Variants in PDZD2 observed in about 807,000 individuals in gnomAD.
The protein encoded by PDZD2 is PDZ domain containing 2.
PDZD2 carries 90 observed loss-of-function variants against 220.7 expected under a neutral mutation model. The ratio of observed to expected loss-of-function variants is 0.41; its 90% CI spans 0.34 to 0.49. PDZD2 has a LOEUF of 0.49. Ranked by LOEUF, PDZD2 falls within the 20% of genes least tolerant of loss-of-function variation. PDZD2 has a pLI of 0.28. For synonymous variants in PDZD2, 1,375 were observed against 1,450.5 expected (o/e 0.95, Z 1.18); for missense variants, 3,174 against 3,608.5 (o/e 0.88, Z 3.08).
chr5:32,106,526 T>C (rs547430392), intron 24 of PDZD2: 1 of 152,346 alleles, frequency 6.6e-6, no homozygotes, highest in South Asian at 2.1e-4. Flanking sequence ...AAGACAGATA[T>C]CATCATCACC....
chr5:32,003,951 A>G (rs1232679322), intron 5 of PDZD2, among the ~76,000 whole-genome samples: 1 of 152,110 alleles, frequency 6.6e-6, no homozygotes, highest in African/African-American at 2.4e-5. Context: ...ACCTCAGGTG[A>G]TCCACCCACC....
intron 2 of PDZD2, among the ~76,000 whole-genome samples, chr5:31,880,216 C>T (rs761852127): frequency 1.3e-5 from 2 of 152,200 alleles, no homozygotes; most frequent in Non-Finnish European, 2.9e-5. Flanking sequence ...AGCCACTGCA[C>T]CCGGCCAATA....
rs986732100 is a variant in PDZD2 at position 31,646,630 on chromosome 5, C to T, written c.-361+7193C>T. On this transcript the variant is annotated intron_variant, in intron 1 of 24. Transcript: ENST00000438447. The surrounding 1 kb of genome is among the most constrained non-coding windows in gnomAD (Gnocchi z 4.7). ...CCCGCCCAACACCCTCTTTCTGGCA[C>T]AGTGTGTTTTATGGAGATTTGGGTA... Among the ~76,000 whole-genome samples, 1 of 152,134 alleles carries T rather than the reference C, an allele frequency of 6.6e-6. No homozygotes were observed. Among genetic ancestry groups the T allele is most frequent in the Non-Finnish European group, 1.5e-5 (1 of 68,034 alleles).
At chr5:31,978,883 AGGGTCTTATTTATTGCCAGGAAGCT>A (rs1750029598) in intron 2 of PDZD2, among the ~76,000 whole-genome samples, 2 of 152,130 alleles carry the variant, frequency 1.3e-5, no homozygotes, top group South Asian at 4.1e-4. Context: ...TTAAGGTGAC[AGGGTCTTATTTATTGCCAGGAAGCT>A]GGAGAGGACA....
At chr5:32,020,294 C>G (rs898750134) in intron 6 of PDZD2, among the ~76,000 whole-genome samples, 2 of 152,100 alleles carry the variant, frequency 1.3e-5, no homozygotes, top group Admixed American at 6.6e-5. Flanking sequence ...TGAGCCACCA[C>G]CATGCCCAGC....
At chr5:31,988,285 C>T (rs1003169162) in intron 3 of PDZD2, among the ~76,000 whole-genome samples, 1 of 152,174 alleles carries the variant, frequency 6.6e-6, no homozygotes, top group African/African-American at 2.4e-5. Context: ...TATCTGATTC[C>T]TGGTTAACTG....
At chr5:32,091,269 T>G in intron 20 of PDZD2, 94 bp downstream of exon 20, 3 of 797,476 alleles carry the variant, frequency 3.8e-6, no homozygotes, top group Non-Finnish European at 3.6e-6. Context: ...TAATGCAGAG[T>G]TCCCACTTAC....
intron 21 of PDZD2, among the ~76,000 whole-genome samples, chr5:32,094,359 T>C (rs951789114): frequency 6.6e-6 from 1 of 152,218 alleles, no homozygotes; most frequent in Non-Finnish European, 1.5e-5. Flanking sequence ...CCCTAATGAA[T>C]GAATATTTTC....
chr5:31,906,125 C>T (rs1442373776), intron 2 of PDZD2, among the ~76,000 whole-genome samples: 2 of 20,668 alleles, frequency 9.7e-5, no homozygotes, highest in East Asian at 4.3e-4. Flanking sequence ...GGGTTCATGT[C>T]ATTCTCCCGC....
intron 2 of PDZD2, among the ~76,000 whole-genome samples, chr5:31,847,055 C>T (rs145608116): frequency 6.6e-6 from 1 of 152,306 alleles, no homozygotes; most frequent in African/African-American, 2.4e-5. Flanking sequence ...TGATATACAA[C>T]AGCACTCAAT....
At chr5:31,785,892 C>T (rs972346888) in intron 1 of PDZD2, among the ~76,000 whole-genome samples, 1 of 152,104 alleles carries the variant, frequency 6.6e-6, no homozygotes, top group African/African-American at 2.4e-5. Flanking sequence ...CGTCTTCTTA[C>T]AGTCGCTCCA....
chr5:32,101,370 G>C lies in PDZD2; in HGVS notation c.8353+131G>C, dbSNP rs1483097128. Reference sequence around the variant, plus strand: ...TTTTTAATGCTTTGTGACATACAAGGTTTATTCTGTATGGACATGTATTAA... The same window carrying C: ...TTTTTAATGCTTTGTGACATACAAGCTTTATTCTGTATGGACATGTATTAA... On this transcript the variant is annotated intron_variant, in intron 24 of 24. Transcript: ENST00000438447. 1.6e-5 allele frequency: 14 copies of C among 851,788 alleles called. No homozygotes were observed. In the East Asian group the frequency reaches 3.5e-4, roughly 21 times the overall value. The allele number at this position is 851,788 out of a possible 1,614,324, so 52.8% of individuals were successfully genotyped here. A position where few individuals can be genotyped will look rare whatever the true frequency, so the allele number is the denominator to read the frequency against.
chr5:31,925,467 T>C (rs986117949), intron 2 of PDZD2, among the ~76,000 whole-genome samples: 9 of 152,184 alleles, frequency 5.9e-5, no homozygotes, highest in Non-Finnish European at 1.0e-4. Context: ...TAACTCATCA[T>C]GGACTAAAGA....
chr5:31,880,994 G>T (rs1352818728), intron 2 of PDZD2, among the ~76,000 whole-genome samples: 1 of 151,562 alleles, frequency 6.6e-6, no homozygotes, highest in African/African-American at 2.4e-5. Flanking sequence ...TAGAGACGGG[G>T]TTTCACCACG....
chr5:32,061,160 C>T (rs779915217), intron 14 of PDZD2, 26 bp downstream of exon 14: 18 of 1,611,638 alleles, frequency 1.1e-5, no homozygotes, highest in Non-Finnish European at 1.5e-5. Flanking sequence ...CTCTTCTGAA[C>T]GTGGGAAGAT....
At chr5:31,810,332 C>G (rs1038224035) in intron 2 of PDZD2, among the ~76,000 whole-genome samples, 2 of 151,230 alleles carry the variant, frequency 1.3e-5, no homozygotes, top group East Asian at 2.0e-4. Flanking sequence ...GCGCGATCTC[C>G]GCTCACTGCA....
chr5:31,829,307 C>T (rs932529703), intron 2 of PDZD2, among the ~76,000 whole-genome samples: 1 of 150,670 alleles, frequency 6.6e-6, no homozygotes, highest in Non-Finnish European at 1.5e-5. Context: ...CGTAAAGGCA[C>T]ATATCAAAAG....
At chr5:31,850,243 T>TATATATAC (rs577432352) in intron 2 of PDZD2, among the ~76,000 whole-genome samples, 18,364 of 121,788 alleles carry the variant, frequency 0.15, 1,788 homozygotes, top group Middle Eastern at 0.21. Flanking sequence ...TATATATATA[T>TATATATAC]ACACACACAC....
intron 1 of PDZD2, among the ~76,000 whole-genome samples, chr5:31,795,720 C>T (rs1263522763): frequency 6.6e-6 from 1 of 152,218 alleles, no homozygotes; most frequent in Admixed American, 6.5e-5. Flanking sequence ...AGCATTGCAA[C>T]ATCTCTGTCT....
Sources: gnomAD v4.1 joint callset for allele counts (sites outside exome capture counted in the v4.1 genomes callset) on GRCh38, gnomAD v4.1.1 for gene constraint, Gnocchi (gnomAD v3.1) non-coding constraint, MANE v1.5 for transcripts, NCBI Gene and HGNC (gene_info 2026-07-23, HGNC 2026-07-21) for gene names.